The following AFAP1 variants were observed in gnomAD, a reference collection of about 807,000 sequenced individuals.
AFAP1 encodes the protein actin filament associated protein 1, also known as actin filament-associated protein 1.
AFAP1 carries 75 observed loss-of-function variants against 93.9 expected under a neutral mutation model. The observed-to-expected ratio is 0.80, with a 90% CI of 0.66 to 0.97. The LOEUF (loss-of-function observed/expected upper bound fraction) is 0.97, where lower values mean the gene tolerates loss of function less well. AFAP1 is among the 50% of genes least tolerant of loss of function. The probability of loss-of-function intolerance (pLI) is 0.00; values close to 1 mark genes in which losing one functional copy is unlikely to be tolerated. For missense variants in AFAP1, 1,201 were observed against 1,050.8 expected, an observed-to-expected ratio of 1.14 and a Z score of -1.98; for synonymous variants, 517 against 430.7, an observed-to-expected ratio of 1.20 and a Z score of -2.48.
chr4:7,883,185 C>CAAAAAAA (rs34238719), intron 1 of AFAP1, among the ~76,000 whole-genome samples: 2 of 49,968 alleles, frequency 4.0e-5, no homozygotes, highest in Non-Finnish European at 3.9e-5. Context: ...AACCCTATCT[C>CAAAAAAA]AAAAAAAAAA....
At chr4:7,827,913 T>C (rs1721573830) in intron 6 of AFAP1, among the ~76,000 whole-genome samples, 1 of 152,238 alleles carries the variant, frequency 6.6e-6, no homozygotes, top group Middle Eastern at 3.4e-3. Context: ...TTCCAGAAGA[T>C]TCGCTGTATA....
intron 17 of AFAP1, 46 bp from the exon 18 acceptor site, chr4:7,763,837 G>T (rs1051076610): frequency 1.3e-6 from 2 of 1,548,872 alleles, no homozygotes; most frequent in African/African-American, 2.7e-5. Flanking sequence ...AAGAGGATCA[G>T]GCTGGGACAA....
chr4:7,924,565 TTC>T (rs1358360795), intron 1 of AFAP1, among the ~76,000 whole-genome samples: 1 of 152,196 alleles, frequency 6.6e-6, no homozygotes, highest in Admixed American at 6.5e-5. Context: ...TGAAAACTGC[TTC>T]CAGGGGACAC....
rs1247338152 is a variant in AFAP1 at position 7,786,247 on chromosome 4, G to A, written c.1477C>T (p.His493Tyr). Reference protein sequence around the residue: ...YLGGTSNGYAHPSGTALHYDD... With the variant: ...YLGGTSNGYAYPSGTALHYDD... ...TAATGAAGTGCCGTCCCGCTGGGGTGGGCATAGCCGTTGGAGGTGCCCCCT... is the reference window on the plus strand; with the variant it reads ...TAATGAAGTGCCGTCCCGCTGGGGTAGGCATAGCCGTTGGAGGTGCCCCCT... Residue 493 changes from histidine (H) to tyrosine (Y), a missense_variant, in exon 12 of 18, where the codon CAC becomes TAC. Physicochemically the swap from His to Tyr is moderately conservative, Grantham distance 83 (BLOSUM62 2). Transcript: ENST00000420658. The A allele has an allele frequency of 1.2e-6, 2 of 1,614,158 alleles. No individual in the cohort carries two copies. Among genetic ancestry groups the A allele is most frequent in the East Asian group, 2.2e-5 (1 of 44,886 alleles).
intron 1 of AFAP1, among the ~76,000 whole-genome samples, chr4:7,923,878 G>A (rs1448770625): frequency 6.6e-6 from 1 of 152,154 alleles, no homozygotes; most frequent in Non-Finnish European, 1.5e-5. Context: ...ATCACACTGG[G>A]GGTGAGGGCT....
At chr4:7,897,083 A>G (rs1432943228) in intron 1 of AFAP1, among the ~76,000 whole-genome samples, 1 of 151,898 alleles carries the variant, frequency 6.6e-6, no homozygotes, top group Non-Finnish European at 1.5e-5. Context: ...ATTTCCTCCA[A>G]TCCCATGATG....
chr4:7,859,911 G>C (rs753844335), intron 3 of AFAP1, among the ~76,000 whole-genome samples: 7 of 152,048 alleles, frequency 4.6e-5, no homozygotes, highest in Non-Finnish European at 8.8e-5. Flanking sequence ...AATAGCCATG[G>C]TGGGAGGACT....
rs1190637232 is a variant in AFAP1, at chr4:7,759,225, C to T, written c.*4540G>A. The T allele has an allele frequency of 1.3e-5, 2 of 152,644 alleles. No homozygotes were observed. The highest frequency in any genetic ancestry group is 2.4e-5 in the African/African-American group (1 of 41,462). 9.5% of individuals were successfully genotyped at this position (152,644 alleles called of 1,614,324 possible). ...ATTAAAAACACCTTTGGTCCTAAGA[C>T]TTATGATCTGAAGATGTCCTTTTGA... On this transcript the variant is annotated 3_prime_UTR_variant, in exon 18 of 18. Transcript: ENST00000420658.
chr4:7,847,537 G>A (rs577079787), intron 4 of AFAP1, among the ~76,000 whole-genome samples: 1 of 152,340 alleles, frequency 6.6e-6, no homozygotes, highest in African/African-American at 2.4e-5. Context: ...ACCCAATCAA[G>A]AGAAGAGACT....
At chr4:7,904,627 G>A (rs1719298987) in intron 1 of AFAP1, among the ~76,000 whole-genome samples, 1 of 152,130 alleles carries the variant, frequency 6.6e-6, no homozygotes, top group Non-Finnish European at 1.5e-5. Flanking sequence ...AGTTGTCCAT[G>A]GTCACAGGTT....
chr4:7,815,457 A>C (rs1720392180), intron 8 of AFAP1, among the ~76,000 whole-genome samples: 2 of 152,244 alleles, frequency 1.3e-5, no homozygotes, highest in Non-Finnish European at 2.9e-5. Flanking sequence ...TTTCAAATGA[A>C]GGCAAAATAA....
chr4:7,768,165 G>A (rs1254792102), intron 17 of AFAP1, among the ~76,000 whole-genome samples: 1 of 152,240 alleles, frequency 6.6e-6, no homozygotes, highest in African/African-American at 2.4e-5. Flanking sequence ...GGCGGGGCCG[G>A]CCACACTCCT....
At chr4:7,863,049 C>CT (rs1715918829) in intron 3 of AFAP1, among the ~76,000 whole-genome samples, 1 of 152,206 alleles carries the variant, frequency 6.6e-6, no homozygotes. Context: ...CTCAAACACT[C>CT]TTTTAGCACT....
chr4:7,822,535 G>A (rs1294093877), intron 6 of AFAP1, among the ~76,000 whole-genome samples: 1 of 151,194 alleles, frequency 6.6e-6, no homozygotes, highest in Non-Finnish European at 1.5e-5. Context: ...ATGATCTCTG[G>A]CAAATGTTTT....
chr4:7,801,813 C>G lies in AFAP1; in HGVS notation c.1055-1160G>C, dbSNP rs191343923. ...AATTCTGATTTTTCAGATTCCTTTT[C>G]CAGCCAATAGTAGTCCCAGCTACTT... On this transcript the variant is annotated intron_variant, in intron 9 of 17. Coordinates refer to ENST00000420658, the MANE Select transcript of AFAP1 (RefSeq NM_001134647.2). 3.2e-3 allele frequency among the ~76,000 whole-genome samples: 473 copies of G among 147,966 alleles called. 1 individual carries two copies. The highest frequency in any genetic ancestry group is 6.9e-3 in the Middle Eastern group (2 of 290).
intron 9 of AFAP1, among the ~76,000 whole-genome samples, chr4:7,801,175 A>G (rs982513303): frequency 1.4e-4 from 22 of 152,252 alleles, no homozygotes; most frequent in African/African-American, 4.3e-4. Context: ...GGAGGCACTA[A>G]GATCCCCAGC....
intron 10 of AFAP1, chr4:7,798,755 G>T (rs1023240544): frequency 2.2e-5 from 8 of 360,828 alleles, no homozygotes; most frequent in African/African-American, 1.6e-4. Context: ...AGGACTCGGG[G>T]CACACAGCTA....
intron 9 of AFAP1, among the ~76,000 whole-genome samples, chr4:7,801,257 G>A (rs934749406): frequency 1.1e-4 from 16 of 152,182 alleles, no homozygotes; most frequent in Non-Finnish European, 2.4e-4. Context: ...CGCACCTGCC[G>A]CCTTCCTGCT....
Position 7,911,649 on chromosome 4 carries a change from T to C in AFAP1, c.-3+28007A>G, listed in dbSNP as rs1719738501. On this transcript the variant is annotated intron_variant, in intron 1 of 17. Transcript: ENST00000420658. ...TTCTGAGTTTATGAAACCAAAACTT[T>C]CCCAAGAATATCCAGCTAGTATTAG... Among the ~76,000 whole-genome samples, 4 of 152,186 alleles carry C rather than the reference T, an allele frequency of 2.6e-5. No individual in the cohort carries two copies. The South Asian group carries it at 8.3e-4, about 32-fold the overall frequency.
Sources: allele counts gnomAD v4.1 joint callset (sites outside exome capture counted in the v4.1 genomes callset), GRCh38; gene constraint gnomAD v4.1.1; transcripts MANE v1.5; gene names NCBI Gene and HGNC (gene_info 2026-07-23, HGNC 2026-07-21).